Variants in TRPC6 observed in about 807,000 individuals in gnomAD.
TRPC6 encodes transient receptor potential cation channel subfamily C member 6.
Under a neutral mutation model 90.7 loss-of-function variants are expected in TRPC6, and 55 were observed. That is an observed-to-expected ratio of 0.61 (90% CI 0.49 to 0.76). The LOEUF is 0.76. Ranked by LOEUF, TRPC6 falls within the 30% of genes least tolerant of loss-of-function variation. The pLI is 0.00. For missense variants in TRPC6, 989 were observed against 1,122.7 expected, an observed-to-expected ratio of 0.88 and a Z score of 1.70; for synonymous variants, 393 against 393.0, an observed-to-expected ratio of 1.00 and a Z score of 0.00.
At chr11:101,516,611 T>A (rs561778563) in intron 1 of TRPC6, among the ~76,000 whole-genome samples, 2 of 152,300 alleles carry the variant, frequency 1.3e-5, no homozygotes, top group South Asian at 4.1e-4. Context: ...GGAAGGGAAA[T>A]ACTGCCACTG....
At chr11:101,554,342 T>G (rs1861515535) in intron 1 of TRPC6, among the ~76,000 whole-genome samples, 1 of 152,126 alleles carries the variant, frequency 6.6e-6, no homozygotes, top group Non-Finnish European at 1.5e-5. Flanking sequence ...TAAACTTTTG[T>G]TTACATTTAT....
At position 101,481,345 on chromosome 11, in the gene TRPC6, T is replaced by C. The variant is rs79300862; in HGVS notation, c.1510+1604A>G. 7.5e-3 allele frequency among the ~76,000 whole-genome samples: 1,146 copies of C among 152,300 alleles called. 9 individuals carry two copies. Among genetic ancestry groups the C allele is most frequent in the Non-Finnish European group, 0.013 (898 of 68,024 alleles). On this transcript the variant is annotated intron_variant, in intron 5 of 12. Transcript: ENST00000344327. ...TCTTGCATATGTTAACCCTACATAA[T>C]TTTATGCATAGTCAGGGCCTTAAGT...
chr11:101,487,759 T>C (rs1022728385), intron 4 of TRPC6, among the ~76,000 whole-genome samples: 2 of 152,172 alleles, frequency 1.3e-5, no homozygotes, highest in African/African-American at 2.4e-5. Flanking sequence ...TTTGGCCTTA[T>C]ATATTTTAAG....
intron 1 of TRPC6, among the ~76,000 whole-genome samples, chr11:101,549,787 A>C (rs559225330): frequency 7.1e-4 from 107 of 151,552 alleles, no homozygotes; most frequent in African/African-American, 2.3e-3. Context: ...TTATGGCCCT[A>C]ATAGATAAAT....
chr11:101,494,010 G>A (rs1565216095), intron 2 of TRPC6, among the ~76,000 whole-genome samples: 1 of 152,188 alleles, frequency 6.6e-6, no homozygotes, highest in Non-Finnish European at 1.5e-5. Flanking sequence ...AGCAAATTGT[G>A]TCTTACCTGA....
At chr11:101,570,611 C>T (rs1196945584) in intron 1 of TRPC6, among the ~76,000 whole-genome samples, 10 of 152,180 alleles carry the variant, frequency 6.6e-5, no homozygotes, top group African/African-American at 9.6e-5. Flanking sequence ...AACATTGATC[C>T]GAAAATCCTC....
intron 1 of TRPC6, among the ~76,000 whole-genome samples, chr11:101,519,487 C>T (rs557752271): frequency 6.6e-6 from 1 of 152,136 alleles, no homozygotes; most frequent in South Asian, 2.1e-4. Flanking sequence ...ACAGACTAAG[C>T]TAAATAACCT....
chr11:101,535,246 C>A (rs1861015078), intron 1 of TRPC6, among the ~76,000 whole-genome samples: 1 of 150,930 alleles, frequency 6.6e-6, no homozygotes, highest in Non-Finnish European at 1.5e-5. Flanking sequence ...AAACACAAAG[C>A]ATTTGAGGAG....
chr11:101,487,208 G>T (rs1171610557), intron 4 of TRPC6, among the ~76,000 whole-genome samples: 1 of 152,054 alleles, frequency 6.6e-6, no homozygotes, highest in African/African-American at 2.4e-5. Flanking sequence ...ATTCAGTTTA[G>T]GAAAGAGATT....
intron 1 of TRPC6, among the ~76,000 whole-genome samples, chr11:101,539,365 G>A (rs1225493717): frequency 6.6e-6 from 1 of 152,194 alleles, no homozygotes; most frequent in Non-Finnish European, 1.5e-5. Context: ...GCTGTTCTCA[G>A]ACTGCCTGGG....
At chr11:101,462,077 T>A (rs779498292) in intron 10 of TRPC6, among the ~76,000 whole-genome samples, 7 of 152,200 alleles carry the variant, frequency 4.6e-5, no homozygotes, top group African/African-American at 9.7e-5. Flanking sequence ...GGGAATCCTT[T>A]CCCCATTGCT....
chr11:101,499,129 C>G (rs1204044227), intron 2 of TRPC6, among the ~76,000 whole-genome samples: 2 of 152,092 alleles, frequency 1.3e-5, no homozygotes, highest in East Asian at 1.9e-4. Context: ...AAAAGTTAAG[C>G]AAAGACAGCA....
intron 1 of TRPC6, among the ~76,000 whole-genome samples, chr11:101,524,380 C>G (rs1033256019): frequency 1.3e-5 from 2 of 152,188 alleles, no homozygotes; most frequent in Admixed American, 6.5e-5. Context: ...TCCCGAGTAG[C>G]TGGGACTACA....
chr11:101,508,999 T>G (rs755013189), intron 1 of TRPC6, among the ~76,000 whole-genome samples: 3 of 152,092 alleles, frequency 2.0e-5, no homozygotes, highest in Non-Finnish European at 2.9e-5. Context: ...TCCATAATAA[T>G]AAGCACATAT....
rs74451914 is a variant in TRPC6 at position 101,474,043 on chromosome 11, T to C, written c.1745-270A>G. Among the ~76,000 whole-genome samples, 260 of 152,308 alleles carry C rather than the reference T, an allele frequency of 1.7e-3. 1 individual carries two copies. Among genetic ancestry groups the C allele is most frequent in the African/African-American group, 5.6e-3 (234 of 41,588 alleles). ...TAGACTCAGTATCTGTAAAAATTCA[T>C]GTATGTATGTACGCACACACACGTA... On this transcript the variant is annotated intron_variant, in intron 6 of 12. Transcript: ENST00000344327.
chr11:101,579,890 G>A (rs544578613), intron 1 of TRPC6, among the ~76,000 whole-genome samples: 247 of 152,098 alleles, frequency 1.6e-3, no homozygotes, highest in African/African-American at 5.6e-3. Context: ...AGGCTTCTTC[G>A]TCACTGGGAC....
chr11:101,530,564 T>C (rs1159773356), intron 1 of TRPC6, among the ~76,000 whole-genome samples: 1 of 152,048 alleles, frequency 6.6e-6, no homozygotes, highest in Non-Finnish European at 1.5e-5. Context: ...AAGTGACCCT[T>C]CCCAGGAACC....
chr11:101,453,145 C>G, intron 12 of TRPC6, 39 bp from the exon 13 acceptor site: 1 of 1,601,604 alleles, frequency 6.2e-7, no homozygotes, highest in Non-Finnish European at 8.5e-7. Context: ...ACTATAAATA[C>G]GCAATGCGGA....
rs200357739 is a variant in TRPC6, at chr11:101,583,297, G to A, written c.170+37C>T. 5.8e-4 allele frequency: 892 copies of A among 1,549,784 alleles called. 3 individuals carry two copies. The African/African-American group carries it at 0.011, about 19-fold the overall frequency. On this transcript the variant is annotated intron_variant, in intron 1 of 12. Coordinates refer to ENST00000344327, the MANE Select transcript of TRPC6 (RefSeq NM_004621.6). Reference sequence around the variant, plus strand: ...CGAGCGCACAACCTCCCTCCGCGCAGCCCGCGCCCGATCCGCCCCGCGTCG... The same window carrying A: ...CGAGCGCACAACCTCCCTCCGCGCAACCCGCGCCCGATCCGCCCCGCGTCG...
Sources: allele counts gnomAD v4.1 joint callset (sites outside exome capture counted in the v4.1 genomes callset), GRCh38; gene constraint gnomAD v4.1.1; transcripts MANE v1.5; gene names NCBI Gene and HGNC (gene_info 2026-07-23, HGNC 2026-07-21).